Variants in MKRN2 observed in about 807,000 individuals in gnomAD.
MKRN2 encodes E3 ubiquitin-protein ligase makorin-2.
In MKRN2, 32 loss-of-function variants were observed where a neutral mutation model predicts 45.4. That is an observed-to-expected ratio of 0.70 (90% CI 0.53 to 0.95). MKRN2 has a LOEUF of 0.95. MKRN2 is among the 40% of genes least tolerant of loss of function. MKRN2 has a pLI of 0.00. For synonymous variants in MKRN2, 206 were observed against 192.4 expected (o/e 1.07, Z -0.59); for missense variants, 526 against 536.7 (o/e 0.98, Z 0.20).
At chr3:12,570,866 A>G (rs1173226848) in intron 3 of MKRN2, among the ~76,000 whole-genome samples, 1 of 148,756 alleles carries the variant, frequency 6.7e-6, no homozygotes, top group African/African-American at 2.5e-5. Context: ...CTGGATGACA[A>G]GAGTGAGACT....
intron 3 of MKRN2, 77 bp downstream of exon 3, chr3:12,570,329 C>T: frequency 1.4e-6 from 2 of 1,451,842 alleles, no homozygotes; most frequent in South Asian, 1.3e-5. Context: ...TTCTAGCCTC[C>T]TCTTGTCAAG....
In MKRN2 at chr3:12,581,717, G is replaced by A. The variant is rs868044410; in HGVS notation, c.969-91G>A. 3.4e-5 allele frequency: 49 copies of A among 1,428,992 alleles called. 1 individual carries two copies. In the Middle Eastern group the frequency reaches 5.5e-4, roughly 16 times the overall value. 88.5% of individuals were successfully genotyped at this position (1,428,992 alleles called of 1,614,324 possible). On this transcript the variant is annotated intron_variant, in intron 6 of 7. Transcript: ENST00000170447. ...AATGTGAGGCTGACCTACCTCTGGC[G>A]TAAGGGTGGTAAGGATGGAGGCAGG... is the stretch of plus-strand genomic sequence containing the variant.
chr3:12,575,761 A>C (rs2058130851), intron 5 of MKRN2, among the ~76,000 whole-genome samples: 1 of 152,148 alleles, frequency 6.6e-6, no homozygotes, highest in Admixed American at 6.5e-5. Flanking sequence ...CTTCTTATAA[A>C]TGGAATCATA....
rs188762040 is a variant in MKRN2, at chr3:12,582,214, C to G, written c.1212C>G (p.Leu404=). 1.5e-3 allele frequency: 2,389 copies of G among 1,614,154 alleles called. 4 individuals carry two copies. Among genetic ancestry groups the G allele is most frequent in the Non-Finnish European group, 1.9e-3 (2,205 of 1,180,010 alleles). ...EDVDMTELGD[L]FMHLSGVESS... Reference sequence around the variant, plus strand: ...TCGACATGACAGAGCTCGGGGACCTCTTCATGCACCTTTCTGGAGTGGAAT... The same window carrying G: ...TCGACATGACAGAGCTCGGGGACCTGTTCATGCACCTTTCTGGAGTGGAAT... Residue 404 remains leucine, a synonymous_variant, in exon 8 of 8, where the codon CTC becomes CTG. Coordinates refer to ENST00000170447, the MANE Select transcript of MKRN2 (RefSeq NM_014160.5).
intron 4 of MKRN2, among the ~76,000 whole-genome samples, chr3:12,573,827 A>G (rs1037597746): frequency 3.0e-4 from 45 of 151,702 alleles, no homozygotes; most frequent in Non-Finnish European, 1.6e-4. Context: ...CAGGAGGTGG[A>G]GCTTGCAGCG....
At chr3:12,579,775 A>G (rs2058165784) in intron 6 of MKRN2, among the ~76,000 whole-genome samples, 1 of 152,114 alleles carries the variant, frequency 6.6e-6, no homozygotes, top group African/African-American at 2.4e-5. Flanking sequence ...AATCTAAGGG[A>G]CACTTGAATC....
chr3:12,557,574 T>C (rs1404659146), intron 1 of MKRN2, among the ~76,000 whole-genome samples: 8 of 152,342 alleles, frequency 5.3e-5, no homozygotes, highest in South Asian at 2.1e-4. Flanking sequence ...GGATACCACA[T>C]AGGAGTAATT....
At position 12,581,964 on chromosome 3, in the gene MKRN2, A is replaced by G; in HGVS notation, c.1113+12A>G. 1 of 1,613,262 alleles carries G rather than the reference A, an allele frequency of 6.2e-7. No homozygotes were observed. Among genetic ancestry groups the G allele is most frequent in the Non-Finnish European group, 8.5e-7 (1 of 1,179,396 alleles). On this transcript the variant is annotated intron_variant, in intron 7 of 7. Transcript: ENST00000170447. ...AAGGCACTGTGAGGGTAAGGACTTT[A>G]GCCATCTCTAGTTGGGGACACTTAG...
At position 12,582,781 on chromosome 3, in the gene MKRN2, T is replaced by C. The variant is rs1261542867; in HGVS notation, c.*528T>C. ...AGCGCAGCATAGCTGTTAACAAACA[T>C]ACAACTTTTTTCTAGGGCTTTAAGG... On this transcript the variant is annotated 3_prime_UTR_variant, in exon 8 of 8. Coordinates refer to ENST00000170447, the MANE Select transcript of MKRN2 (RefSeq NM_014160.5). The C allele has an allele frequency of 1.3e-5, 2 of 152,814 alleles. No individual in the cohort carries two copies. Among genetic ancestry groups the C allele is most frequent in the African/African-American group, 4.8e-5 (2 of 41,468 alleles). The allele number at this position is 152,814 out of a possible 1,614,324, so 9.5% of individuals were successfully genotyped here. A position where few individuals can be genotyped will look rare whatever the true frequency, so the allele number is the denominator to read the frequency against.
At chr3:12,564,284 G>A (rs964798772) in intron 1 of MKRN2, among the ~76,000 whole-genome samples, 2 of 152,098 alleles carry the variant, frequency 1.3e-5, no homozygotes, top group Non-Finnish European at 1.5e-5. Flanking sequence ...TGGAATTGCC[G>A]GATCATATGG....
chr3:12,576,605 C>A, intron 5 of MKRN2, 26 bp from the exon 6 acceptor site: 1 of 1,525,052 alleles, frequency 6.6e-7, no homozygotes, highest in South Asian at 1.1e-5. Context: ...ATGACTTCTC[C>A]CTTAGTAATC....
chr3:12,578,312 C>CTTTTTTTT (rs71063833), intron 6 of MKRN2, among the ~76,000 whole-genome samples: 5 of 71,754 alleles, frequency 7.0e-5, no homozygotes, highest in African/African-American at 1.1e-4. Flanking sequence ...AGAGCTACTT[C>CTTTTTTTT]TTTTTTTTTT....
intron 6 of MKRN2, among the ~76,000 whole-genome samples, chr3:12,578,313 T>A (rs1263560384): frequency 1.4e-5 from 1 of 71,962 alleles, no homozygotes; most frequent in East Asian, 2.8e-4. Flanking sequence ...GAGCTACTTC[T>A]TTTTTTTTTT....
chr3:12,582,406 T>A lies in MKRN2; in HGVS notation c.*153T>A. 2 of 903,548 alleles carry A rather than the reference T, an allele frequency of 2.2e-6. No individual in the cohort carries two copies. Among genetic ancestry groups the A allele is most frequent in the Middle Eastern group, 3.5e-4 (1 of 2,852 alleles). The allele number at this position is 903,548 out of a possible 1,614,324, so 56.0% of individuals were successfully genotyped here. ...CCTTAGTCTCATTCAATCTCCATTA[T>A]TACAGCCATGGGGAAGAGTGAAAGA... On this transcript the variant is annotated 3_prime_UTR_variant, in exon 8 of 8. Coordinates refer to ENST00000170447, the MANE Select transcript of MKRN2 (RefSeq NM_014160.5).
chr3:12,582,370 G>GT lies in MKRN2; in HGVS notation c.*119dup. 1 of 1,348,332 alleles carries GT rather than the reference G, an allele frequency of 7.4e-7. No homozygotes were observed. Among genetic ancestry groups the GT allele is most frequent in the Non-Finnish European group, 1.0e-6 (1 of 965,592 alleles). 83.5% of individuals were successfully genotyped at this position (1,348,332 alleles called of 1,614,324 possible). A position where few individuals can be genotyped will look rare whatever the true frequency, so the allele number is the denominator to read the frequency against. ...GACGTGTGACTTGGATTTGAGTGGA[G>GT]TTGGGCTTAGCCTTAGTCTCATTCA... On this transcript the variant is annotated 3_prime_UTR_variant, in exon 8 of 8. Coordinates refer to ENST00000170447, the MANE Select transcript of MKRN2 (RefSeq NM_014160.5).
Position 12,581,876 on chromosome 3 carries a change from G to A in MKRN2, c.1037G>A (p.Arg346His), listed in dbSNP as rs1200016228. The A allele has an allele frequency of 3.1e-6, 5 of 1,614,116 alleles. No homozygotes were observed. The highest frequency in any genetic ancestry group is 2.2e-5 in the East Asian group (1 of 44,880). ...CCATTTGGAAGCAAATGTCTTTATC[G>A]CCATGCTTACCCCGATGGGCGGCTA... ...TCPFGSKCLYRHAYPDGRLAE... is the reference protein window; with the variant it reads ...TCPFGSKCLYHHAYPDGRLAE... Residue 346 changes from arginine (R) to histidine (H), a missense_variant, in exon 7 of 8, where the codon CGC (arginine) becomes CAC (histidine). Physicochemically the swap from Arg to His is conservative, Grantham distance 29. Coordinates refer to ENST00000170447, the MANE Select transcript of MKRN2 (RefSeq NM_014160.5).
chr3:12,569,805 G>T (rs929938970), intron 2 of MKRN2, among the ~76,000 whole-genome samples: 1 of 152,196 alleles, frequency 6.6e-6, no homozygotes, highest in African/African-American at 2.4e-5. Flanking sequence ...CAGGTTCTCT[G>T]TGTGGTCTGG....
At chr3:12,569,439 CG>C (rs1162599105) in intron 2 of MKRN2, among the ~76,000 whole-genome samples, 34 of 152,066 alleles carry the variant, frequency 2.2e-4, no homozygotes, top group Non-Finnish European at 2.9e-5. Flanking sequence ...GAATTACAGG[CG>C]TGAGCCACCG....
intron 6 of MKRN2, 76 bp downstream of exon 6, chr3:12,576,817 C>G: frequency 9.3e-7 from 1 of 1,070,686 alleles, no homozygotes; most frequent in South Asian, 1.4e-5. Context: ...CGTTCTCCTT[C>G]CCAGGAGTGT....
Sources: allele counts gnomAD v4.1 joint callset (sites outside exome capture counted in the v4.1 genomes callset), GRCh38; gene constraint gnomAD v4.1.1; transcripts MANE v1.5; gene names NCBI Gene and HGNC (gene_info 2026-07-23, HGNC 2026-07-21).